ZSCAN5A: variants seen among roughly 807,000 people sequenced by gnomAD.
ZSCAN5A encodes zinc finger and SCAN domain containing 5A, also known as zinc finger and SCAN domain-containing protein 5A.
In ZSCAN5A, 12 loss-of-function variants were observed where a neutral mutation model predicts 23.7. The ratio of observed to expected loss-of-function variants is 0.51; its 90% CI spans 0.32 to 0.82. The LOEUF is 0.82. ZSCAN5A is among the 40% of genes least tolerant of loss of function. The pLI is 0.03. For synonymous variants in ZSCAN5A, 257 were observed against 239.9 expected, an observed-to-expected ratio of 1.07 and a Z score of -0.66; for missense variants, 597 against 617.9, an observed-to-expected ratio of 0.97 and a Z score of 0.36.
intron 2 of ZSCAN5A, among the ~76,000 whole-genome samples, chr19:56,252,157 C>A (rs2036388100): frequency 6.6e-6 from 1 of 152,200 alleles, no homozygotes; most frequent in South Asian, 2.1e-4. Context: ...TAAAGCTCAA[C>A]ATGCCTGTCA....
chr19:56,222,033 G>A lies in ZSCAN5A; in HGVS notation c.1033C>T (p.Pro345Ser), dbSNP rs754602114. 5.6e-6 allele frequency: 9 copies of A among 1,614,070 alleles called. No homozygotes were observed. Among genetic ancestry groups the A allele is most frequent in the Admixed American group, 1.7e-5 (1 of 60,008 alleles). Residue 345 changes from proline to serine, a missense_variant, in exon 6 of 6, where the codon CCG becomes TCG. Physicochemically the swap from Pro to Ser is moderately conservative, Grantham distance 74 (BLOSUM62 -1). This residue lies in a region of ZSCAN5A where 406 missense variants were observed against 353.2 expected (regional missense o/e 1.15). Coordinates refer to ENST00000683990, the MANE Select transcript of ZSCAN5A (RefSeq NM_001322064.3). The stretch of plus-strand genomic sequence containing the variant: ...AGTGCCTTGGCTTCTTGGCCATCCG[G>A]GTGACTGACTGGGCTCGCAGGGCCT... ...SPGPASPVSH[P>S]DGQEAKALPP...
chr19:56,327,635 A>G (rs1282402204), intron 2 of ZSCAN5A, among the ~76,000 whole-genome samples: 25 of 151,440 alleles, frequency 1.7e-4, no homozygotes, highest in Admixed American at 1.6e-3. Context: ...ATTTTACAAT[A>G]TAAGTGCATG....
intron 2 of ZSCAN5A, among the ~76,000 whole-genome samples, chr19:56,345,430 A>G (rs2041625417): frequency 6.6e-6 from 1 of 152,228 alleles, no homozygotes; most frequent in South Asian, 2.1e-4. Context: ...ATGGATTTTC[A>G]GATTCTTGGT....
chr19:56,291,372 C>T (rs186759340), intron 2 of ZSCAN5A, among the ~76,000 whole-genome samples: 4 of 152,296 alleles, frequency 2.6e-5, no homozygotes, highest in African/African-American at 7.2e-5. Flanking sequence ...TGGATTAATG[C>T]GTCTCTAAAG....
intron 2 of ZSCAN5A, among the ~76,000 whole-genome samples, chr19:56,313,064 C>T (rs1222597125): frequency 6.6e-6 from 1 of 152,232 alleles, no homozygotes; most frequent in Admixed American, 6.5e-5. Context: ...GCTGTGTTTG[C>T]ATAACAGCTC....
chr19:56,341,976 T>G (rs773910886), intron 2 of ZSCAN5A, among the ~76,000 whole-genome samples: 1 of 152,070 alleles, frequency 6.6e-6, no homozygotes. Flanking sequence ...AAATAAAATA[T>G]CTTATAATTT....
chr19:56,349,568 A>G (rs1258379448), intron 2 of ZSCAN5A, among the ~76,000 whole-genome samples: 2 of 151,752 alleles, frequency 1.3e-5, no homozygotes, highest in East Asian at 1.9e-4. Context: ...AGCCGGGTGC[A>G]GTGGTGGGCG....
At chr19:56,299,337 T>G (rs1428549561) in intron 2 of ZSCAN5A, among the ~76,000 whole-genome samples, 5 of 152,066 alleles carry the variant, frequency 3.3e-5, no homozygotes, top group East Asian at 3.9e-4. Flanking sequence ...CTCCCTATGT[T>G]GCCCAGGCTG....
At chr19:56,315,349 G>C (rs1164240570), upstream of ZSCAN5A, 2 of 152,356 alleles carry the variant, frequency 1.3e-5, no homozygotes, top group Admixed American at 1.3e-4. Context: ...CCCGGGCGGT[G>C]TCGCATGTCG....
chr19:56,349,133 T>C (rs1455353714), intron 2 of ZSCAN5A, among the ~76,000 whole-genome samples: 2 of 152,192 alleles, frequency 1.3e-5, no homozygotes, highest in African/African-American at 4.8e-5. Flanking sequence ...AACCTCTAAA[T>C]TGGTTAAGCA....
chr19:56,312,381 A>G (rs2041092950), intron 2 of ZSCAN5A: 1 of 152,244 alleles, frequency 6.6e-6, no homozygotes, highest in Admixed American at 6.5e-5. Flanking sequence ...TCTAGTCATA[A>G]GCAAGCATCA....
intron 2 of ZSCAN5A, among the ~76,000 whole-genome samples, chr19:56,252,494 A>T (rs2036414692): frequency 6.6e-6 from 1 of 152,110 alleles, no homozygotes; most frequent in African/African-American, 2.4e-5. Context: ...GTGGCTTGAG[A>T]GGGCAGAGAA....
intron 2 of ZSCAN5A, chr19:56,343,054 C>G (rs2041606709): frequency 2.5e-6 from 2 of 813,086 alleles, no homozygotes; most frequent in Non-Finnish European, 4.4e-6. Context: ...GTCAGACAAC[C>G]TTGGCTTGTT....
chr19:56,233,730 T>G (rs2034656264), intron 2 of ZSCAN5A, among the ~76,000 whole-genome samples: 1 of 152,078 alleles, frequency 6.6e-6, no homozygotes, highest in South Asian at 2.1e-4. Context: ...TTTTTTTTTT[T>G]TGCCATAAAT....
intron 2 of ZSCAN5A, chr19:56,274,846 T>A (rs915293003): frequency 6.6e-6 from 1 of 152,236 alleles, no homozygotes; most frequent in Admixed American, 6.5e-5. Flanking sequence ...CCATCTCCTT[T>A]GGTCTTGTGA....
At position 56,221,821 on chromosome 19, in the gene ZSCAN5A, G is replaced by A. The variant is rs761935616; in HGVS notation, c.1245C>T (p.Asp415=). 6.8e-6 allele frequency: 11 copies of A among 1,613,976 alleles called. No homozygotes were observed. The Admixed American group carries it at 8.3e-5, about 12-fold the overall frequency. The change falls in exon 6 of 6, where the codon GAC becomes GAT. Residue 415 remains aspartate, a synonymous_variant. Coordinates refer to ENST00000683990, the MANE Select transcript of ZSCAN5A (RefSeq NM_001322064.3). ...THTGERPYTC[D]VCQKQFTQKS... is the part of the protein sequence containing the mutation. ...TCTGGGTGAACTGCTTCTGGCAGACGTCACACGTGTAGGGCCTCTCGCCAG... is the reference window on the plus strand; with the variant it reads ...TCTGGGTGAACTGCTTCTGGCAGACATCACACGTGTAGGGCCTCTCGCCAG...
Position 56,224,535 on chromosome 19 carries a change from G to A in ZSCAN5A, c.384+128C>T, listed in dbSNP as rs756886255. 5.5e-5 allele frequency: 64 copies of A among 1,174,284 alleles called. 2 individuals carry two copies. The highest frequency in any genetic ancestry group is 1.4e-4 in the Admixed American group (6 of 41,384). The allele number at this position is 1,174,284 out of a possible 1,614,324, so 72.7% of individuals were successfully genotyped here. A position where few individuals can be genotyped will look rare whatever the true frequency, so the allele number is the denominator to read the frequency against. On this transcript the variant is annotated intron_variant, in intron 3 of 5. Transcript: ENST00000683990. The stretch of plus-strand genomic sequence containing the variant: ...CCAGACACTGCCATGTGTCCCCGAC[G>A]GGCAAACTCTCCTCTACTTGGAAGC...
chr19:56,301,999 G>A, intron 2 of ZSCAN5A: 2 of 1,232,116 alleles, frequency 1.6e-6, no homozygotes, highest in South Asian at 4.1e-5. Context: ...CCCCATCCAG[G>A]AAACCACTCC....
At position 56,274,611 on chromosome 19, in the gene ZSCAN5A, T is replaced by C. The variant is rs372938434; in HGVS notation, c.-128+38672A>G. The C allele has an allele frequency of 5.9e-5, 9 of 152,294 alleles. No homozygotes were observed. In the East Asian group the frequency reaches 1.5e-3, roughly 26 times the overall value. The allele number at this position is 152,294 out of a possible 1,614,324, so 9.4% of individuals were successfully genotyped here. On this transcript the variant is annotated intron_variant, in intron 2 of 5. Transcript: ENST00000683990. ...CAGCTGTTAACATCTTACCTAACCA[T>C]AGCACAATGACTAAAAGCAAGACCC... is the stretch of plus-strand genomic sequence containing the variant.
Sources: allele counts gnomAD v4.1 joint callset (sites outside exome capture counted in the v4.1 genomes callset), GRCh38; gene constraint gnomAD v4.1.1; regional missense constraint gnomAD v4.1.1; transcripts MANE v1.5; gene names NCBI Gene and HGNC (gene_info 2026-07-23, HGNC 2026-07-21).